The following DLGAP4 variants were observed in gnomAD, a reference collection of about 807,000 sequenced individuals.
The protein encoded by DLGAP4 is DLG associated protein 4.
DLGAP4 carries 18 observed loss-of-function variants against 86.9 expected under a neutral mutation model. That is an observed-to-expected ratio of 0.21 (90% CI 0.14 to 0.31). The LOEUF (loss-of-function observed/expected upper bound fraction) is 0.31. Among genes scored for constraint, DLGAP4 ranks in the 10% least tolerant of loss-of-function variants. The probability of loss-of-function intolerance (pLI) is 1.00; values close to 1 mark genes in which losing one functional copy is unlikely to be tolerated. For missense variants in DLGAP4, 1,085 were observed against 1,362.6 expected (o/e 0.80, Z 3.21); for synonymous variants, 548 against 574.3 (o/e 0.95, Z 0.65).
intron 2 of DLGAP4, among the ~76,000 whole-genome samples, chr20:36,402,608 C>T (rs973406374): frequency 2.6e-5 from 4 of 152,046 alleles, no homozygotes; most frequent in African/African-American, 9.7e-5. Flanking sequence ...ATTAGCTGGA[C>T]ATGGTGGTGC....
At chr20:36,445,541 C>T (rs190263895) in intron 6 of DLGAP4, among the ~76,000 whole-genome samples, 4 of 152,306 alleles carry the variant, frequency 2.6e-5, no homozygotes, top group Admixed American at 2.6e-4. Context: ...ACCTTTCCAT[C>T]CACCCTCCAA....
At chr20:36,490,607 C>T (rs2035617378) in intron 7 of DLGAP4, among the ~76,000 whole-genome samples, 1 of 152,214 alleles carries the variant, frequency 6.6e-6, no homozygotes, top group Non-Finnish European at 1.5e-5. Flanking sequence ...CCCGGCCCCA[C>T]TGTCTTTGCT....
intron 1 of DLGAP4, among the ~76,000 whole-genome samples, chr20:36,342,886 T>C (rs529856291): frequency 6.6e-6 from 1 of 152,122 alleles, no homozygotes; most frequent in Admixed American, 6.5e-5. Context: ...CCCTGAGGCA[T>C]GAGAAGGAGC....
intron 1 of DLGAP4, among the ~76,000 whole-genome samples, chr20:36,317,286 T>TTCTATCTA (rs2065116221): frequency 2.4e-5 from 1 of 42,300 alleles, no homozygotes; most frequent in African/African-American, 6.9e-5. Flanking sequence ...TTATCTTTCT[T>TTCTATCTA]TCTTTCTTAT....
At chr20:36,394,250 G>A (rs189272959) in intron 2 of DLGAP4, among the ~76,000 whole-genome samples, 8 of 152,272 alleles carry the variant, frequency 5.3e-5, no homozygotes, top group East Asian at 1.9e-4. Context: ...TTATCCGCCC[G>A]TGTGGTTAGA....
intron 6 of DLGAP4, among the ~76,000 whole-genome samples, chr20:36,445,370 G>A (rs1296760475): frequency 6.6e-6 from 1 of 152,126 alleles, no homozygotes; most frequent in African/African-American, 2.4e-5. Flanking sequence ...CGGGCATGGT[G>A]GCACCTGCCT....
chr20:36,511,027 T>G (rs1190236051), intron 10 of DLGAP4: 1 of 152,210 alleles, frequency 6.6e-6, no homozygotes, highest in Non-Finnish European at 1.5e-5. Flanking sequence ...TCTGTTGGGA[T>G]GAAAACTGGA....
At chr20:36,317,463 C>CT (rs1207752409) in intron 1 of DLGAP4, among the ~76,000 whole-genome samples, 1,840 of 120,072 alleles carry the variant, frequency 0.015, 58 homozygotes, top group African/African-American at 0.044. Context: ...CCTTCTCTTT[C>CT]TTTTTTTTTT....
At chr20:36,418,374 A>G (rs572494882) in intron 2 of DLGAP4, among the ~76,000 whole-genome samples, 1 of 152,218 alleles carries the variant, frequency 6.6e-6, no homozygotes, top group Non-Finnish European at 1.5e-5. Flanking sequence ...CGGCCTCCCA[A>G]AGTGCTGGGA....
At chr20:36,391,969 G>A (rs1342444743) in intron 2 of DLGAP4, among the ~76,000 whole-genome samples, 1 of 152,224 alleles carries the variant, frequency 6.6e-6, no homozygotes, top group Non-Finnish European at 1.5e-5. Flanking sequence ...TGTCCTTTTG[G>A]AGGAATTGCA....
rs773493095 is a variant in DLGAP4, at chr20:36,431,926, C to G, written c.209C>G (p.Thr70Ser). Residue 70 changes from threonine (T) to serine (S), a missense_variant, in exon 3 of 13, where the codon ACC becomes AGC. Physicochemically the swap from Thr to Ser is moderately conservative, Grantham distance 58. Coordinates refer to ENST00000339266, the MANE Select transcript of DLGAP4 (RefSeq NM_001365621.2). The surrounding 1 kb of genome is among the most constrained non-coding windows in gnomAD (Gnocchi z 5.1). ...AACCAGCTGCCCCCGCCCAGCAGCA[C>G]CTTTCCCCGCATCCACTACAACTCC... ...LNNQLPPPSS[T>S]FPRIHYNSHF... The G allele has an allele frequency of 6.2e-7, 1 of 1,614,230 alleles. No individual in the cohort carries two copies. Among genetic ancestry groups the G allele is most frequent in the Non-Finnish European group, 8.5e-7 (1 of 1,180,038 alleles).
At chr20:36,317,788 G>A (rs2065124135) in intron 1 of DLGAP4, among the ~76,000 whole-genome samples, 2 of 151,944 alleles carry the variant, frequency 1.3e-5, no homozygotes, top group African/African-American at 2.4e-5. Flanking sequence ...ACTGACAGGT[G>A]AGCATCTCTA....
At chr20:36,317,430 T>G (rs1243114205) in intron 1 of DLGAP4, among the ~76,000 whole-genome samples, 6 of 53,930 alleles carry the variant, frequency 1.1e-4, no homozygotes, top group African/African-American at 4.5e-4. Context: ...TTTTCTTTTC[T>G]TCTTTCTTTT....
intron 2 of DLGAP4, among the ~76,000 whole-genome samples, chr20:36,375,420 G>A (rs1414218719): frequency 2.0e-5 from 3 of 152,126 alleles, no homozygotes; most frequent in Admixed American, 6.5e-5. Context: ...CATGCCCCAT[G>A]GCCTTCATTT....
chr20:36,498,745 G>T (rs1191154879), intron 8 of DLGAP4: 1 of 154,748 alleles, frequency 6.5e-6, no homozygotes, highest in African/African-American at 2.4e-5. Context: ...GGTGCCTCAT[G>T]CCCTAGATTG....
intron 7 of DLGAP4, among the ~76,000 whole-genome samples, chr20:36,496,092 G>A (rs113853957): frequency 0.018 from 2,798 of 152,092 alleles, 82 homozygotes; most frequent in African/African-American, 0.064. Flanking sequence ...GGCTGGTCTC[G>A]AACTCCTGAC....
chr20:36,323,339 A>G (rs1310457227), intron 1 of DLGAP4, among the ~76,000 whole-genome samples: 1 of 152,072 alleles, frequency 6.6e-6, no homozygotes, highest in Non-Finnish European at 1.5e-5. Context: ...TCACACCTTC[A>G]CATAAACAAC....
At chr20:36,524,100 G>A (rs896664884) in intron 10 of DLGAP4, 150 bp from the exon 11 acceptor site, 10 of 691,488 alleles carry the variant, frequency 1.4e-5, no homozygotes, top group Non-Finnish European at 2.6e-5. Flanking sequence ...AATGAGAATG[G>A]ATTAATGTGT....
chr20:36,511,479 C>T (rs1344828535), intron 10 of DLGAP4, among the ~76,000 whole-genome samples: 2 of 152,134 alleles, frequency 1.3e-5, no homozygotes, highest in African/African-American at 4.8e-5. Flanking sequence ...GCTGGGATTA[C>T]ACCCATGAGC....
Sources: gnomAD v4.1 joint callset for allele counts (sites outside exome capture counted in the v4.1 genomes callset) on GRCh38, gnomAD v4.1.1 for gene constraint, Gnocchi (gnomAD v3.1) non-coding constraint, MANE v1.5 for transcripts, NCBI Gene and HGNC (gene_info 2026-07-23, HGNC 2026-07-21) for gene names.